The following ELAVL1 variants were observed in gnomAD, a reference collection of about 807,000 sequenced individuals.
ELAVL1 encodes the protein ELAV-like protein 1.
Under a neutral mutation model 28.4 loss-of-function variants are expected in ELAVL1, and 1 was observed. The observed-to-expected ratio is 0.04, with a 90% CI of 0.01 to 0.17. The LOEUF is 0.17. Ranked by LOEUF, ELAVL1 falls within the 10% of genes least tolerant of loss-of-function variation. The pLI is 1.00. For missense variants in ELAVL1, 157 were observed against 447.2 expected, an observed-to-expected ratio of 0.35 and a Z score of 5.85; for synonymous variants, 174 against 183.5, an observed-to-expected ratio of 0.95 and a Z score of 0.42.
rs1471027091 is a variant in ELAVL1 at position 7,963,499 on chromosome 19, T to C, written c.965A>G (p.Asn322Ser). The C allele has an allele frequency of 6.2e-7, 1 of 1,606,568 alleles. No homozygotes were observed. The highest frequency in any genetic ancestry group is 1.1e-5 in the South Asian group (1 of 90,844). ...ATGAGCGAGTTATTTGTGGGACTTG[T>C]TGGTTTTGAAGGAAACCTGTAAGAT... Reference protein sequence around the residue: ...DKILQVSFKTNKSHK With the variant: ...DKILQVSFKTSKSHK The change falls in exon 6 of 6, where the codon AAC (asparagine) becomes AGC (serine). Residue 322 changes from asparagine to serine, a missense_variant. This residue lies in a region of ELAVL1 where 107 missense variants were observed against 310.4 expected (regional missense o/e 0.34). Coordinates refer to ENST00000407627, the MANE Select transcript of ELAVL1 (RefSeq NM_001419.3). This position sits in a 1 kb window ranked among gnomAD's most constrained non-coding sequence, Gnocchi z 4.5.
In ELAVL1 at chr19:7,973,705, G is replaced by C. The variant is rs201931966; in HGVS notation, c.430+20C>G. On this transcript the variant is annotated intron_variant, in intron 4 of 5. Coordinates refer to ENST00000407627, the MANE Select transcript of ELAVL1 (RefSeq NM_001419.3). ...CACCTAGAGAACACCCTCCCCACGC[G>C]TCTGGGGCCCCTCTGGTACCTGTAG... 1 of 1,608,470 alleles carries C rather than the reference G, an allele frequency of 6.2e-7. No homozygotes were observed. Among genetic ancestry groups the C allele is most frequent in the East Asian group, 2.2e-5 (1 of 44,700 alleles).
chr19:7,991,074 T>G (rs1485475651), intron 2 of ELAVL1, among the ~76,000 whole-genome samples: 2 of 152,228 alleles, frequency 1.3e-5, no homozygotes, highest in African/African-American at 4.8e-5. Context: ...GGCTTTTAGC[T>G]GCCAGGCTCC....
chr19:7,982,721 C>T lies in ELAVL1; in HGVS notation c.173-1535G>A, dbSNP rs546277921. Among the ~76,000 whole-genome samples the T allele has an allele frequency of 5.0e-4, 76 of 152,314 alleles. No homozygotes were observed. The highest frequency in any genetic ancestry group is 1.7e-3 in the African/African-American group (69 of 41,574). ...CCTTAGTCTTTCCCTCATGTTCTTT[C>T]CTGCCCCAGGACCTCATCCAGGATC... On this transcript the variant is annotated intron_variant, in intron 2 of 5. Coordinates refer to ENST00000407627, the MANE Select transcript of ELAVL1 (RefSeq NM_001419.3). The surrounding 1 kb of genome is among the most constrained non-coding windows in gnomAD (Gnocchi z 4.3).
chr19:7,990,776 A>C lies in ELAVL1; in HGVS notation c.172+868T>G, dbSNP rs575926767. Among the ~76,000 whole-genome samples, 6 of 152,220 alleles carry C rather than the reference A, an allele frequency of 3.9e-5. No individual in the cohort carries two copies. The East Asian group carries it at 1.2e-3, about 29-fold the overall frequency. On this transcript the variant is annotated intron_variant, in intron 2 of 5. Transcript: ENST00000407627. ...TTCCTAAAGCAGGGCGGAGACAGAAAGGAAGGCAGGGGGGTAGGGGTGGGT... is the reference window on the plus strand; with the variant it reads ...TTCCTAAAGCAGGGCGGAGACAGAACGGAAGGCAGGGGGGTAGGGGTGGGT...
In ELAVL1 at chr19:7,960,997, G is replaced by A. The variant is rs570154849; in HGVS notation, c.*2486C>T. On this transcript the variant is annotated 3_prime_UTR_variant, in exon 6 of 6. Transcript: ENST00000407627. ...TGCAAGCTAAGACTCCCAAATAAAGGCTTTGGAATTTTTTAGCTAGAAGGC... is the reference window on the plus strand; with the variant it reads ...TGCAAGCTAAGACTCCCAAATAAAGACTTTGGAATTTTTTAGCTAGAAGGC... The A allele has an allele frequency of 6.6e-6, 1 of 152,144 alleles. No individual in the cohort carries two copies. The highest frequency in any genetic ancestry group is 1.5e-5 in the Non-Finnish European group (1 of 68,036). The allele number at this position is 152,144 out of a possible 1,614,324, so 9.4% of individuals were successfully genotyped here.
intron 2 of ELAVL1, among the ~76,000 whole-genome samples, chr19:7,986,038 T>C (rs1985592807): frequency 1.3e-5 from 2 of 152,258 alleles, no homozygotes; most frequent in Admixed American, 1.3e-4. Context: ...CACTGGCCAG[T>C]GCTCTCGAAC....
chr19:7,967,020 G>A (rs1568307259), intron 5 of ELAVL1, among the ~76,000 whole-genome samples: 1 of 151,280 alleles, frequency 6.6e-6, no homozygotes, highest in Non-Finnish European at 1.5e-5. Flanking sequence ...GGGGACTGGT[G>A]CTGTCTTTTT....
At chr19:8,003,917 G>A (rs2081078053) in intron 1 of ELAVL1, among the ~76,000 whole-genome samples, 1 of 152,150 alleles carries the variant, frequency 6.6e-6, no homozygotes. Flanking sequence ...GACAACTGGA[G>A]TGCCCTGGAG....
At chr19:7,999,625 C>T (rs2081060702) in intron 1 of ELAVL1, among the ~76,000 whole-genome samples, 1 of 152,152 alleles carries the variant, frequency 6.6e-6, no homozygotes, top group South Asian at 2.1e-4. Context: ...GCTCTCAGAC[C>T]AGGCTGGAGT....
At chr19:7,970,277 TC>T in intron 4 of ELAVL1, among the ~76,000 whole-genome samples, 1 of 152,370 alleles carries the variant, frequency 6.6e-6, no homozygotes, top group South Asian at 2.1e-4. Context: ...TGCCTCAGCC[TC>T]CCCAGTAGCT....
chr19:7,990,846 G>A (rs936652605), intron 2 of ELAVL1, among the ~76,000 whole-genome samples: 1 of 152,098 alleles, frequency 6.6e-6, no homozygotes, highest in African/African-American at 2.4e-5. Flanking sequence ...GGAGGAGGAG[G>A]AGAGCTCCGC....
intron 1 of ELAVL1, among the ~76,000 whole-genome samples, chr19:7,996,133 C>T (rs1016287877): frequency 6.6e-6 from 1 of 151,816 alleles, no homozygotes; most frequent in Middle Eastern, 3.4e-3. Flanking sequence ...ATCTTGGCCT[C>T]TCAAAGTATT....
chr19:7,992,099 C>A (rs1476041585), intron 1 of ELAVL1, among the ~76,000 whole-genome samples: 5 of 152,028 alleles, frequency 3.3e-5, no homozygotes, highest in African/African-American at 1.2e-4. Flanking sequence ...TGCCACCATG[C>A]CCAGCTAATT....
chr19:7,984,150 T>C (rs1418886170), intron 2 of ELAVL1, among the ~76,000 whole-genome samples: 1 of 152,138 alleles, frequency 6.6e-6, no homozygotes, highest in Non-Finnish European at 1.5e-5. Flanking sequence ...TCACCTTCCA[T>C]GGTCAAGCTC....
In ELAVL1 at chr19:7,963,888, C is replaced by A; in HGVS notation, c.657-81G>T. 1.4e-6 allele frequency: 2 copies of A among 1,470,070 alleles called. No individual in the cohort carries two copies. The highest frequency in any genetic ancestry group is 1.3e-5 in the South Asian group (1 of 76,284). The allele number at this position is 1,470,070 out of a possible 1,614,324, so 91.1% of individuals were successfully genotyped here. ...GGGCAAGGCCTGGACGCATGCTGACCATGGCCGCTGGGCCCCATCCCGCTC... is the reference window on the plus strand; with the variant it reads ...GGGCAAGGCCTGGACGCATGCTGACAATGGCCGCTGGGCCCCATCCCGCTC... On this transcript the variant is annotated intron_variant, in intron 5 of 5. Transcript: ENST00000407627. This position sits in a 1 kb window ranked among gnomAD's most constrained non-coding sequence, Gnocchi z 4.5.
chr19:7,992,500 T>C (rs1186794278), intron 1 of ELAVL1, among the ~76,000 whole-genome samples: 4 of 152,200 alleles, frequency 2.6e-5, no homozygotes, highest in Admixed American at 2.6e-4. Flanking sequence ...TGTTAAGTGA[T>C]ACACTGTATG....
intron 4 of ELAVL1, among the ~76,000 whole-genome samples, chr19:7,969,352 A>C (rs755141158): frequency 5.3e-5 from 8 of 152,194 alleles, no homozygotes; most frequent in Non-Finnish European, 1.0e-4. Flanking sequence ...AACTGTCCCC[A>C]TGTCCTGTCT....
chr19:7,971,013 A>G (rs936033162), intron 4 of ELAVL1, among the ~76,000 whole-genome samples: 1 of 152,312 alleles, frequency 6.6e-6, no homozygotes, highest in Admixed American at 6.5e-5. Context: ...TGGGGTGGGA[A>G]GCAGAGCCGG....
chr19:8,002,011 AGC>A, intron 1 of ELAVL1: 1 of 1,282,166 alleles, frequency 7.8e-7, no homozygotes, highest in Non-Finnish European at 1.0e-6. Context: ...CACCAGGGTG[AGC>A]AGTGAACTAA....
Sources: allele counts gnomAD v4.1 joint callset (sites outside exome capture counted in the v4.1 genomes callset), GRCh38; gene constraint gnomAD v4.1.1; regional missense constraint gnomAD v4.1.1; non-coding constraint Gnocchi (gnomAD v3.1); transcripts MANE v1.5; gene names NCBI Gene and HGNC (gene_info 2026-07-23, HGNC 2026-07-21).